PCTP: variants seen among roughly 807,000 people sequenced by gnomAD.
PCTP encodes phosphatidylcholine transfer protein.
PCTP carries 27 observed loss-of-function variants against 31.0 expected under a neutral mutation model. That is an observed-to-expected ratio of 0.87 (90% confidence interval 0.64 to 1.20). PCTP has a LOEUF of 1.20. PCTP is among the 50% of genes most tolerant of loss of function. The pLI, the probability that PCTP is intolerant of heterozygous loss-of-function variation, is 0.00. For missense variants in PCTP, 287 were observed against 268.2 expected (o/e 1.07, Z -0.49); for synonymous variants, 108 against 101.2 (o/e 1.07, Z -0.40).
At chr17:55,752,839 T>G (rs1322828231) in intron 1 of PCTP, among the ~76,000 whole-genome samples, 1 of 152,250 alleles carries the variant, frequency 6.6e-6, no homozygotes, top group Admixed American at 6.5e-5. Flanking sequence ...CAGGCAGAAT[T>G]AATTTCTTAG....
At chr17:55,847,907 T>TTTTTTGTTTTTGTTTTTG in the PCTP span, among the ~76,000 whole-genome samples, 2 of 152,052 alleles carry the variant, frequency 1.3e-5, no homozygotes, top group East Asian at 1.9e-4. Context: ...CAGAATAATG[T>TTTTTTGTTTTTGTTTTTG]TTTTTGTTTT....
At chr17:55,786,010 C>T (rs573921638) in intron 2 of PCTP, among the ~76,000 whole-genome samples, 19 of 152,112 alleles carry the variant, frequency 1.2e-4, no homozygotes, top group East Asian at 1.9e-4. Context: ...GGGCTGGGCA[C>T]GGTGGCTCAT....
intron 1 of PCTP, among the ~76,000 whole-genome samples, chr17:55,765,048 G>C (rs1234722274): frequency 6.6e-6 from 1 of 152,194 alleles, no homozygotes; most frequent in Non-Finnish European, 1.5e-5. Context: ...GGAAACAAGG[G>C]AACTCTCTTG....
At chr17:55,765,377 G>GT (rs1409148145) in intron 1 of PCTP, among the ~76,000 whole-genome samples, 3 of 151,936 alleles carry the variant, frequency 2.0e-5, no homozygotes, top group East Asian at 1.9e-4. Context: ...TCTTCTCCAA[G>GT]TTTTTTTTCT....
downstream of PCTP, among the ~76,000 whole-genome samples, chr17:55,779,897 T>A (rs1034278206): frequency 3.3e-5 from 5 of 152,030 alleles, no homozygotes; most frequent in Non-Finnish European, 7.4e-5. Context: ...CCCATGCACA[T>A]CCCCTCTGTC....
downstream of PCTP, among the ~76,000 whole-genome samples, chr17:55,847,100 G>C (rs1164456912): frequency 6.6e-6 from 1 of 152,188 alleles, no homozygotes; most frequent in Non-Finnish European, 1.5e-5. Context: ...GGCCTCCCTA[G>C]ATTTTTGCTC....
chr17:55,760,902 A>G (rs1030174090), intron 1 of PCTP, among the ~76,000 whole-genome samples: 6 of 152,132 alleles, frequency 3.9e-5, no homozygotes, highest in Non-Finnish European at 8.8e-5. Context: ...TTGGCAAGTC[A>G]CTCACATTAC....
intron 5 of PCTP, among the ~76,000 whole-genome samples, chr17:55,828,664 G>C (rs1408092089): frequency 6.6e-6 from 1 of 152,150 alleles, no homozygotes; most frequent in Non-Finnish European, 1.5e-5. Context: ...GTGCGGGGGA[G>C]GGTGGGAAGC....
downstream of PCTP, among the ~76,000 whole-genome samples, chr17:55,826,682 G>T (rs1905408714): frequency 6.6e-6 from 1 of 152,180 alleles, no homozygotes; most frequent in African/African-American, 2.4e-5. Flanking sequence ...TGCCTTTGCA[G>T]TTAGATGGCT....
rs531805397 is a variant in PCTP, at chr17:55,763,194, G to T, written c.142-4141G>T. Reference sequence around the variant, plus strand: ...AAGATTTATATCTCTAATTTTAAGAGATCTTACACATCAGATCTTATTATA... The same window carrying T: ...AAGATTTATATCTCTAATTTTAAGATATCTTACACATCAGATCTTATTATA... On this transcript the variant is annotated intron_variant, in intron 1 of 5. Coordinates refer to ENST00000268896, the MANE Select transcript of PCTP (RefSeq NM_021213.4). Among the ~76,000 whole-genome samples the T allele has an allele frequency of 1.8e-4, 27 of 152,162 alleles. No individual in the cohort carries two copies. The South Asian group carries it at 5.0e-3, about 28-fold the overall frequency.
At chr17:55,834,600 G>A (rs1905716803) in intron 5 of PCTP, among the ~76,000 whole-genome samples, 2 of 152,202 alleles carry the variant, frequency 1.3e-5, no homozygotes, top group Non-Finnish European at 2.9e-5. Context: ...TGTGTGTATA[G>A]GAACATGCCC....
intron 3 of PCTP, among the ~76,000 whole-genome samples, chr17:55,792,079 T>G: frequency 7.0e-6 from 1 of 143,352 alleles, no homozygotes; most frequent in Non-Finnish European, 1.5e-5. Flanking sequence ...CACCGCATAT[T>G]CTCACTCATA....
At chr17:55,834,225 A>G (rs1333164271) in intron 5 of PCTP, among the ~76,000 whole-genome samples, 1 of 152,128 alleles carries the variant, frequency 6.6e-6, no homozygotes, top group Non-Finnish European at 1.5e-5. Flanking sequence ...TCTGAGGTAC[A>G]TGTGCAGGAT....
rs1465360751 is a variant in PCTP at position 55,776,806 on chromosome 17, C to T, written c.*706C>T. On this transcript the variant is annotated 3_prime_UTR_variant, in exon 6 of 6. Coordinates refer to ENST00000268896, the MANE Select transcript of PCTP (RefSeq NM_021213.4). ...GACAACCACATTTTTCCTCATCATC[C>T]ATGAGGAAATGGATGATTTCTCTTT... 3 of 1,047,986 alleles carry T rather than the reference C, an allele frequency of 2.9e-6. No homozygotes were observed. The highest frequency in any genetic ancestry group is 3.4e-6 in the Non-Finnish European group (3 of 871,330). The allele number at this position is 1,047,986 out of a possible 1,614,324, so 64.9% of individuals were successfully genotyped here. A position where few individuals can be genotyped will look rare whatever the true frequency, so the allele number is the denominator to read the frequency against.
chr17:55,797,449 C>T (rs1912222120), intron 3 of PCTP, among the ~76,000 whole-genome samples: 1 of 151,920 alleles, frequency 6.6e-6, no homozygotes. Context: ...AATTTAGAAC[C>T]TGCCAAAGAT....
chr17:55,806,885 A>G (rs902060057), intron 3 of PCTP, among the ~76,000 whole-genome samples: 8 of 152,184 alleles, frequency 5.3e-5, no homozygotes, highest in East Asian at 1.9e-4. Context: ...AGATTTCTCA[A>G]TTGAGACCTG....
chr17:55,773,641 T>G (rs1911130031), intron 3 of PCTP, 83 bp from the exon 4 acceptor site: 1 of 1,369,572 alleles, frequency 7.3e-7, no homozygotes, highest in African/African-American at 1.4e-5. Context: ...CAGAATCACC[T>G]CCCTTTGCTT....
downstream of PCTP, among the ~76,000 whole-genome samples, chr17:55,845,903 T>C (rs888027493): frequency 1.8e-4 from 28 of 151,638 alleles, no homozygotes; most frequent in African/African-American, 6.8e-4. Flanking sequence ...TGTGTGTGTG[T>C]GTGTGTGTGT....
At chr17:55,814,561 G>A (rs1268496931) in intron 3 of PCTP, among the ~76,000 whole-genome samples, 2 of 152,194 alleles carry the variant, frequency 1.3e-5, no homozygotes, top group Non-Finnish European at 2.9e-5. Context: ...AGTCATTGAC[G>A]CAGGAAATAG....
Sources: allele counts gnomAD v4.1 joint callset (sites outside exome capture counted in the v4.1 genomes callset), GRCh38; gene constraint gnomAD v4.1.1; transcripts MANE v1.5; gene names NCBI Gene and HGNC (gene_info 2026-07-23, HGNC 2026-07-21).